Variants in RBL1 observed in about 807,000 individuals in gnomAD.
The protein encoded by RBL1 is RB transcriptional corepressor like 1, also known as retinoblastoma-like protein 1.
In RBL1, 82 loss-of-function variants were observed where a neutral mutation model predicts 123.0. That is an observed-to-expected ratio of 0.67 (90% confidence interval 0.56 to 0.80). RBL1 has a LOEUF of 0.80. Ranked by LOEUF, RBL1 falls within the 30% of genes least tolerant of loss-of-function variation. The pLI is 0.00. For synonymous variants in RBL1, 405 were observed against 441.3 expected (o/e 0.92, Z 1.03); for missense variants, 1,171 against 1,299.6 (o/e 0.90, Z 1.52).
intron 1 of RBL1, among the ~76,000 whole-genome samples, chr20:37,092,824 T>G (rs1972877807): frequency 6.6e-6 from 1 of 152,156 alleles, no homozygotes; most frequent in South Asian, 2.1e-4. Flanking sequence ...TCAACTATTT[T>G]ATTCCATGAG....
chr20:37,003,251 C>A (rs988699334), intron 21 of RBL1, among the ~76,000 whole-genome samples: 2 of 152,202 alleles, frequency 1.3e-5, no homozygotes, highest in African/African-American at 4.8e-5. Context: ...GTCCATACCA[C>A]ATCTTCACCA....
intron 15 of RBL1, among the ~76,000 whole-genome samples, chr20:37,033,448 G>A (rs2064547949): frequency 1.3e-5 from 2 of 151,792 alleles, no homozygotes; most frequent in South Asian, 4.2e-4. Context: ...CTCCCAAAGT[G>A]CTGGGATTAC....
chr20:37,005,998 C>T lies in RBL1; in HGVS notation c.2871+1413G>A, dbSNP rs548460955. On this transcript the variant is annotated intron_variant, in intron 20 of 21. Coordinates refer to ENST00000373664, the MANE Select transcript of RBL1 (RefSeq NM_002895.5). ...GCAGCCTTGACCTCCTGGGCCCAAG[C>T]GATCCACCTACCTTAGCTTGCTGAG... is the stretch of plus-strand genomic sequence containing the variant. 1.1e-4 allele frequency among the ~76,000 whole-genome samples: 16 copies of T among 145,850 alleles called. No homozygotes were observed. The South Asian group carries it at 3.3e-3, about 30-fold the overall frequency.
chr20:37,025,053 C>T (rs1016943453), intron 16 of RBL1, among the ~76,000 whole-genome samples: 32 of 152,198 alleles, frequency 2.1e-4, no homozygotes, highest in East Asian at 1.2e-3. Context: ...TCAGTTGCTC[C>T]AAAACCCACA....
intron 2 of RBL1, among the ~76,000 whole-genome samples, chr20:37,075,373 G>A (rs1158285661): frequency 6.6e-6 from 1 of 152,002 alleles, no homozygotes; most frequent in East Asian, 1.9e-4. Flanking sequence ...TATCTCAATA[G>A]GCTATTAAAA....
At chr20:37,080,548 TC>T (rs1380247538) in intron 2 of RBL1, among the ~76,000 whole-genome samples, 13 of 150,172 alleles carry the variant, frequency 8.7e-5, no homozygotes, top group South Asian at 8.5e-4. Context: ...AACCTCCACC[TC>T]CTGGGTTCAG....
intron 16 of RBL1, among the ~76,000 whole-genome samples, chr20:37,027,598 G>T (rs965278974): frequency 2.6e-5 from 4 of 152,146 alleles, no homozygotes; most frequent in Non-Finnish European, 4.4e-5. Flanking sequence ...ATCAGAAGCT[G>T]ATGATTCAAA....
At chr20:37,030,442 G>T (rs1421954379) in intron 16 of RBL1, among the ~76,000 whole-genome samples, 1 of 152,172 alleles carries the variant, frequency 6.6e-6, no homozygotes, top group African/African-American at 2.4e-5. Flanking sequence ...AAAATGGGCT[G>T]GGCGTGGTGG....
At chr20:37,022,196 A>T (rs929567143) in intron 17 of RBL1, among the ~76,000 whole-genome samples, 2 of 152,268 alleles carry the variant, frequency 1.3e-5, no homozygotes, top group South Asian at 2.1e-4. Flanking sequence ...TGTATCAGAT[A>T]TATGAGAATT....
chr20:37,053,255 C>T (rs1313805696), intron 11 of RBL1, among the ~76,000 whole-genome samples: 2 of 152,230 alleles, frequency 1.3e-5, no homozygotes, highest in Admixed American at 6.5e-5. Flanking sequence ...CACCATTTCG[C>T]TCAACACCAG....
In RBL1 at chr20:37,018,373, C is replaced by T. The variant is rs772389745; in HGVS notation, c.2632-4G>A. 2.4e-5 allele frequency: 39 copies of T among 1,602,444 alleles called. No individual in the cohort carries two copies. Among genetic ancestry groups the T allele is most frequent in the Non-Finnish European group, 3.2e-5 (38 of 1,176,086 alleles). ...TCAGCAGAACACTTCTATATACCTACATGCCAGAGGGGAAGAAAAGGACAG... is the reference window on the plus strand; with the variant it reads ...TCAGCAGAACACTTCTATATACCTATATGCCAGAGGGGAAGAAAAGGACAG... On this transcript the variant is annotated splice_region_variant and splice_polypyrimidine_tract_variant and intron_variant, in intron 18 of 21. Transcript: ENST00000373664.
intron 2 of RBL1, among the ~76,000 whole-genome samples, chr20:37,080,142 ATTTAT>A (rs2065425025): frequency 6.6e-6 from 1 of 151,718 alleles, no homozygotes; most frequent in Non-Finnish European, 1.5e-5. Flanking sequence ...TTTTAAAAAT[ATTTAT>A]TTTATTTATT....
At chr20:37,086,951 T>C (rs949739785) in intron 2 of RBL1, among the ~76,000 whole-genome samples, 2 of 152,102 alleles carry the variant, frequency 1.3e-5, no homozygotes, top group African/African-American at 4.8e-5. Context: ...GGAGACAAAA[T>C]CACTTATACA....
chr20:37,020,801 T>A, intron 17 of RBL1, 71 bp from the exon 18 acceptor site: 1 of 1,059,736 alleles, frequency 9.4e-7, no homozygotes, highest in Non-Finnish European at 1.4e-6. Context: ...AAACTTCAAT[T>A]ATAAGTTGGC....
chr20:37,028,954 A>C (rs1005817766), intron 16 of RBL1, among the ~76,000 whole-genome samples: 1 of 152,216 alleles, frequency 6.6e-6, no homozygotes, highest in Non-Finnish European at 1.5e-5. Flanking sequence ...AAAATCCTCA[A>C]CTAAATACTA....
chr20:37,005,278 G>T (rs1460123550), intron 20 of RBL1, among the ~76,000 whole-genome samples: 1 of 151,912 alleles, frequency 6.6e-6, no homozygotes, highest in Non-Finnish European at 1.5e-5. Flanking sequence ...GTGGTGACAG[G>T]CGCCTGTAAT....
chr20:37,018,442 A>T, intron 18 of RBL1, 73 bp from the exon 19 acceptor site: 1 of 1,510,008 alleles, frequency 6.6e-7, no homozygotes, highest in South Asian at 1.3e-5. Context: ...AAGTGAGAAG[A>T]GCAAAATATC....
chr20:37,092,790 CCTGA>C (rs1359930097), intron 1 of RBL1, among the ~76,000 whole-genome samples: 3 of 152,148 alleles, frequency 2.0e-5, no homozygotes, highest in Non-Finnish European at 4.4e-5. Flanking sequence ...CTGTGCCTGG[CCTGA>C]CTTTCTTTCC....
chr20:37,002,176 C>T (rs1374534166), intron 21 of RBL1, among the ~76,000 whole-genome samples: 1 of 150,712 alleles, frequency 6.6e-6, no homozygotes, highest in Non-Finnish European at 1.5e-5. Flanking sequence ...ACTACAGGCA[C>T]ATGCCACCAT....
Sources: gnomAD v4.1 joint callset for allele counts (sites outside exome capture counted in the v4.1 genomes callset) on GRCh38, gnomAD v4.1.1 for gene constraint, MANE v1.5 for transcripts, NCBI Gene and HGNC (gene_info 2026-07-23, HGNC 2026-07-21) for gene names.